SCMH1: variants seen among roughly 807,000 people sequenced by gnomAD.
SCMH1 encodes the protein polycomb protein SCMH1.
A neutral mutation model predicts 70.8 loss-of-function variants in SCMH1; 37 were observed. That is an observed-to-expected ratio of 0.52 (90% CI 0.40 to 0.69). The LOEUF is 0.69. SCMH1 is among the 30% of genes least tolerant of loss of function. The probability of loss-of-function intolerance (pLI) is 0.00; values close to 1 mark genes in which losing one functional copy is unlikely to be tolerated. For synonymous variants in SCMH1, 292 were observed against 307.4 expected (o/e 0.95, Z 0.52); for missense variants, 607 against 827.3 (o/e 0.73, Z 3.27).
chr1:41,179,258 C>T (rs1248911883), intron 2 of SCMH1, among the ~76,000 whole-genome samples: 1 of 151,972 alleles, frequency 6.6e-6, no homozygotes, highest in Non-Finnish European at 1.5e-5. Context: ...AAATTTACAG[C>T]ACTAAATGCT....
intron 13 of SCMH1, 112 bp downstream of exon 13, chr1:41,037,250 C>A: frequency 9.1e-7 from 1 of 1,094,454 alleles, no homozygotes. Flanking sequence ...CCTAGTCCCA[C>A]CACCAGGCAG....
At chr1:41,034,336 T>TC (rs1644988400) in intron 13 of SCMH1, among the ~76,000 whole-genome samples, 18 of 151,824 alleles carry the variant, frequency 1.2e-4, no homozygotes, top group Admixed American at 5.2e-4. Flanking sequence ...TCTTTTCTTT[T>TC]TTTTTTTTTG....
chr1:41,234,380 T>C (rs995985696), intron 1 of SCMH1, among the ~76,000 whole-genome samples: 7 of 150,962 alleles, frequency 4.6e-5, no homozygotes, highest in Admixed American at 2.0e-4. Flanking sequence ...ACTTGGAAGG[T>C]TGAGGCAGGA....
At chr1:41,217,520 C>A (rs1658360777) in intron 1 of SCMH1, among the ~76,000 whole-genome samples, 1 of 152,196 alleles carries the variant, frequency 6.6e-6, no homozygotes, top group Non-Finnish European at 1.5e-5. Flanking sequence ...ATGTGATTCA[C>A]AAACCCAGTC....
chr1:41,107,291 C>A lies in SCMH1; in HGVS notation c.745+5992G>T, dbSNP rs990038906. Among the ~76,000 whole-genome samples the A allele has an allele frequency of 1.3e-5, 2 of 151,802 alleles. 1 individual carries two copies. Among genetic ancestry groups the A allele is most frequent in the African/African-American group, 4.9e-5 (2 of 41,110 alleles). ...CCTCTGTACTTTATTCCTCCAAAGT[C>A]GTACTTTATTGGTCTATATGTTCAC... On this transcript the variant is annotated intron_variant, in intron 8 of 14. Transcript: ENST00000337495.
At chr1:41,094,886 CT>C (rs1664650596) in intron 8 of SCMH1, among the ~76,000 whole-genome samples, 1 of 148,168 alleles carries the variant, frequency 6.7e-6, no homozygotes, top group African/African-American at 2.5e-5. Flanking sequence ...GAGACTCTGC[CT>C]CAAAAAAAAA....
rs2148422635 is a variant in SCMH1, at chr1:41,160,818, T to C, written c.106+57A>G. The C allele has an allele frequency of 2.0e-6, 3 of 1,484,356 alleles. No homozygotes were observed. In the South Asian group the frequency reaches 3.6e-5, roughly 18 times the overall value. The allele number at this position is 1,484,356 out of a possible 1,614,324, so 91.9% of individuals were successfully genotyped here. A position where few individuals can be genotyped will look rare whatever the true frequency, so the allele number is the denominator to read the frequency against. On this transcript the variant is annotated intron_variant, in intron 4 of 14. Transcript: ENST00000337495. ...TCGTTGGTTAAAACTGGTTATAATC[T>C]AATCCCTGGTTTACCAATTCCCCTT... is the stretch of plus-strand genomic sequence containing the variant.
intron 1 of SCMH1, among the ~76,000 whole-genome samples, chr1:41,189,187 T>C (rs1266606604): frequency 6.6e-6 from 1 of 152,238 alleles, no homozygotes; most frequent in East Asian, 1.9e-4. Context: ...TTCACTCTGG[T>C]TGCTCAGGCT....
At chr1:41,159,906 A>G in intron 4 of SCMH1, 1 of 1,019,096 alleles carries the variant, frequency 9.8e-7, no homozygotes, top group South Asian at 3.5e-5. Context: ...TTTCACATCC[A>G]TTAGCTCATG....
chr1:41,044,723 T>G (rs1179998619), intron 12 of SCMH1, among the ~76,000 whole-genome samples: 1 of 151,760 alleles, frequency 6.6e-6, no homozygotes, highest in African/African-American at 2.4e-5. Flanking sequence ...TCTTTGTTTC[T>G]CTTAGTTGGT....
At chr1:41,109,918 T>A (rs1668846624) in intron 8 of SCMH1, among the ~76,000 whole-genome samples, 1 of 152,106 alleles carries the variant, frequency 6.6e-6, no homozygotes. Context: ...AACAGTGAAT[T>A]CCCTAGGCAT....
intron 5 of SCMH1, among the ~76,000 whole-genome samples, chr1:41,151,005 G>T (rs1377444810): frequency 6.6e-6 from 1 of 151,418 alleles, no homozygotes; most frequent in Non-Finnish European, 1.5e-5. Context: ...ACAGTTTGAG[G>T]AAATAACCCT....
intron 5 of SCMH1, among the ~76,000 whole-genome samples, chr1:41,150,501 T>G (rs1644971882): frequency 6.6e-6 from 1 of 152,156 alleles, no homozygotes; most frequent in African/African-American, 2.4e-5. Flanking sequence ...AGACTCTGTC[T>G]CAAAACAAAA....
chr1:41,083,924 T>C (rs1327895261), intron 8 of SCMH1, among the ~76,000 whole-genome samples: 1 of 152,216 alleles, frequency 6.6e-6, no homozygotes, highest in South Asian at 2.1e-4. Context: ...GCTGGCCGTA[T>C]GTAGAAAGCT....
chr1:41,212,021 T>C (rs1395750433), intron 1 of SCMH1, among the ~76,000 whole-genome samples: 1 of 151,890 alleles, frequency 6.6e-6, no homozygotes, highest in Non-Finnish European at 1.5e-5. Flanking sequence ...TGTTGCGGGG[T>C]AGGGAGCTGG....
At chr1:41,204,324 A>T (rs566648094) in intron 1 of SCMH1, among the ~76,000 whole-genome samples, 1 of 152,244 alleles carries the variant, frequency 6.6e-6, no homozygotes, top group South Asian at 2.1e-4. Context: ...TCTTCCCTAT[A>T]TGATCCTGTC....
intron 10 of SCMH1, among the ~76,000 whole-genome samples, chr1:41,056,679 C>T (rs549228463): frequency 6.6e-6 from 1 of 152,164 alleles, no homozygotes; most frequent in Non-Finnish European, 1.5e-5. Context: ...GTGAATAAGC[C>T]GAAGTCTCTG....
At chr1:41,220,397 T>C (rs1271066118) in intron 1 of SCMH1, among the ~76,000 whole-genome samples, 2 of 152,256 alleles carry the variant, frequency 1.3e-5, no homozygotes. Context: ...AACTAAGCCC[T>C]ATAAATGACT....
intron 1 of SCMH1, among the ~76,000 whole-genome samples, chr1:41,206,599 C>G (rs1233408717): frequency 1.3e-5 from 2 of 152,174 alleles, no homozygotes; most frequent in Non-Finnish European, 2.9e-5. Context: ...GAGAATGGAA[C>G]CAAGTTGGAA....
Sources: allele counts gnomAD v4.1 joint callset (sites outside exome capture counted in the v4.1 genomes callset), GRCh38; gene constraint gnomAD v4.1.1; transcripts MANE v1.5; gene names NCBI Gene and HGNC (gene_info 2026-07-23, HGNC 2026-07-21).